The following DLG3 variants were observed in gnomAD, a reference collection of about 807,000 sequenced individuals.
The protein encoded by DLG3 is disks large homolog 3.
Under a neutral mutation model 64.1 loss-of-function variants are expected in DLG3, and 1 was observed. That is an observed-to-expected ratio of 0.02 (90% CI 0.01 to 0.07). The LOEUF is 0.07. Among genes scored for constraint, DLG3 ranks in the 10% least tolerant of loss-of-function variants. The pLI is 1.00. For synonymous variants in DLG3, 245 were observed against 259.8 expected (o/e 0.94, Z 0.55); for missense variants, 429 against 669.5 (o/e 0.64, Z 3.96).
At position 70,462,114 on chromosome X, in the gene DLG3, G is replaced by A. The variant is rs778316764; in HGVS notation, c.1405+7798G>A. On this transcript the variant is annotated intron_variant, in intron 9 of 18. Transcript: ENST00000374360. ...TGTTTTCATAAAGTTGCCTCTTCTG[G>A]CCAGTTCATATAAATGAAATCATGC... Among the ~76,000 whole-genome samples, 5 of 96,622 alleles carry A rather than the reference G, an allele frequency of 5.2e-5. No homozygotes were observed. In the South Asian group the frequency reaches 2.6e-3, roughly 49 times the overall value. 83.9% of individuals were successfully genotyped at this position (96,622 alleles called of 115,157 possible).
chrX:70,505,015 G>C lies in DLG3; in HGVS notation c.*2746G>C, dbSNP rs1196212161. Reference sequence around the variant, plus strand: ...ATGTGTGTGGGCTGAGCCACAGGAAGGGTGAGTCCTCTTGCTTGTGGTGCT... The same window carrying C: ...ATGTGTGTGGGCTGAGCCACAGGAACGGTGAGTCCTCTTGCTTGTGGTGCT... On this transcript the variant is annotated 3_prime_UTR_variant, in exon 19 of 19. Coordinates refer to ENST00000374360, the MANE Select transcript of DLG3 (RefSeq NM_021120.4). 1 of 112,878 alleles carries C rather than the reference G, an allele frequency of 8.9e-6. No homozygotes were observed. Among genetic ancestry groups the C allele is most frequent in the Admixed American group, 9.4e-5 (1 of 10,662 alleles). 9.3% of individuals were successfully genotyped at this position (112,878 alleles called of 1,213,427 possible). A position where few individuals can be genotyped will look rare whatever the true frequency, so the allele number is the denominator to read the frequency against.
intron 9 of DLG3, among the ~76,000 whole-genome samples, chrX:70,461,210 A>G (rs1053480520): frequency 2.7e-5 from 3 of 112,103 alleles, no homozygotes; most frequent in Non-Finnish European, 5.6e-5. Flanking sequence ...ATTTCTCCAC[A>G]TCATCCCCAA....
At chrX:70,473,157 C>CAA (rs59440260) in intron 9 of DLG3, among the ~76,000 whole-genome samples, 30 of 42,062 alleles carry the variant, frequency 7.1e-4, no homozygotes, top group African/African-American at 1.8e-3. Flanking sequence ...AACTCCGTCT[C>CAA]AAAAAAAAAA....
At chrX:70,452,632 C>A (rs1312483439) in intron 7 of DLG3, 1 of 1,187,667 alleles carries the variant, frequency 8.4e-7, no homozygotes, top group Non-Finnish European at 1.1e-6. Flanking sequence ...ATGGAGAGGG[C>A]CCGCAAGTTC....
At chrX:70,499,792 C>T in intron 15 of DLG3, 85 bp from the exon 16 acceptor site, 1 of 1,030,460 alleles carries the variant, frequency 9.7e-7, no homozygotes, top group Non-Finnish European at 1.3e-6. Context: ...GTGACCCACC[C>T]AGATGAGAAT....
chrX:70,499,376 A>C (rs1039392182), intron 15 of DLG3, 99 bp downstream of exon 15: 4 of 631,697 alleles, frequency 6.3e-6, no homozygotes, highest in Non-Finnish European at 1.0e-5. Context: ...TTCTAGGGCT[A>C]TTTGGGGACA....
intron 9 of DLG3, among the ~76,000 whole-genome samples, chrX:70,462,855 T>G (rs937623496): frequency 1.3e-4 from 14 of 111,978 alleles, no homozygotes; most frequent in African/African-American, 4.2e-4. Flanking sequence ...CCCTGTTCTA[T>G]ATACTTAGAA....
chrX:70,500,831 A>G (rs1263340491), intron 17 of DLG3, 67 bp from the exon 18 acceptor site: 7 of 1,037,378 alleles, frequency 6.7e-6, no homozygotes, highest in Non-Finnish European at 9.3e-6. Flanking sequence ...GGATCCTGGA[A>G]TAATCCTTTA....
At chrX:70,501,068 A>T (rs1284014481) in intron 18 of DLG3, 79 bp downstream of exon 18, 3 of 787,481 alleles carry the variant, frequency 3.8e-6, no homozygotes, top group South Asian at 4.7e-5. Context: ...AAAGAGGTGT[A>T]GACAGAATGT....
intron 9 of DLG3, among the ~76,000 whole-genome samples, chrX:70,473,041 C>T (rs1476476415): frequency 9.3e-6 from 1 of 107,610 alleles, no homozygotes; most frequent in African/African-American, 3.4e-5. Context: ...CCTGTAATCC[C>T]AGCTACTCAG....
intron 13 of DLG3, chrX:70,497,127 T>G: frequency 2.6e-6 from 3 of 1,148,470 alleles, no homozygotes; most frequent in Non-Finnish European, 3.6e-6. Context: ...GTGCTGCATG[T>G]GACCTCTCAG....
At chrX:70,460,063 T>C (rs1036525605) in intron 9 of DLG3, among the ~76,000 whole-genome samples, 26 of 110,675 alleles carry the variant, frequency 2.3e-4, no homozygotes, top group African/African-American at 8.2e-4. Flanking sequence ...GGTGGGTGGA[T>C]CACGAGGTCA....
intron 10 of DLG3, among the ~76,000 whole-genome samples, chrX:70,481,961 A>C (rs1316694485): frequency 8.9e-6 from 1 of 111,947 alleles, no homozygotes; most frequent in Admixed American, 9.5e-5. Flanking sequence ...TGAACTACAG[A>C]CCTGCATATC....
intron 6 of DLG3, among the ~76,000 whole-genome samples, chrX:70,451,324 A>C (rs2086616326): frequency 9.0e-6 from 1 of 110,707 alleles, no homozygotes; most frequent in Admixed American, 9.6e-5. Context: ...GATGGTCTCG[A>C]TCTCCTGACC....
intron 10 of DLG3, among the ~76,000 whole-genome samples, chrX:70,482,662 GTTTTTTT>G (rs774419870): frequency 2.4e-4 from 16 of 66,079 alleles, no homozygotes; most frequent in African/African-American, 9.1e-4. Context: ...CATGTGTGGT[GTTTTTTT>G]TTTTTTTTTT....
Position 70,499,227 on chromosome X carries a change from A to G in DLG3, c.1922A>G (p.Asn641Ser). 1 of 1,210,911 alleles carries G rather than the reference A, an allele frequency of 8.3e-7. No homozygotes were observed. Among genetic ancestry groups the G allele is most frequent in the Non-Finnish European group, 1.1e-6 (1 of 894,986 alleles). Reference sequence around the variant, plus strand: ...CTGGGCCCAATGAAGGACCGAGTCAATGATGACCTGATCTCCGAATTTCCA... The same window carrying G: ...CTGGGCCCAATGAAGGACCGAGTCAGTGATGACCTGATCTCCGAATTTCCA... ...IILGPMKDRV[N>S]DDLISEFPHK... is the part of the protein sequence containing the mutation. The change falls in exon 15 of 19, where the codon AAT becomes AGT. Residue 641 changes from asparagine (N) to serine (S), a missense_variant. Asn to Ser is a conservative substitution (Grantham distance 46, BLOSUM62 1). Around this residue, in one of 9 missense-constraint regions of DLG3, gnomAD observed 46 missense variants for 64.4 expected, o/e 0.71. Transcript: ENST00000374360.
chrX:70,452,324 C>T (rs2086628008), intron 7 of DLG3: 2 of 1,023,299 alleles, frequency 2.0e-6, no homozygotes, highest in Non-Finnish European at 2.5e-6. Flanking sequence ...GAGGCGAGGG[C>T]AGCGGAGTTT....
Position 70,449,099 on chromosome X carries a change from G to A in DLG3, c.408+136G>A, listed in dbSNP as rs2086593483. The A allele has an allele frequency of 5.2e-6, 4 of 770,462 alleles. No individual in the cohort carries two copies. In the South Asian group the frequency reaches 9.1e-5, roughly 18 times the overall value. The allele number at this position is 770,462 out of a possible 1,213,427, so 63.5% of individuals were successfully genotyped here. On this transcript the variant is annotated intron_variant, in intron 2 of 18. Transcript: ENST00000374360. The stretch of plus-strand genomic sequence containing the variant: ...GATGGTGAAACAGCGGCCCTCAGAG[G>A]CTGCTTCACTGCATCAATCAATCAA...
intron 10 of DLG3, among the ~76,000 whole-genome samples, chrX:70,479,855 G>T (rs2087122291): frequency 9.0e-6 from 1 of 111,319 alleles, no homozygotes; most frequent in African/African-American, 3.3e-5. Flanking sequence ...GGAACAGATA[G>T]GTAGCATGGA....
Sources: allele counts gnomAD v4.1 joint callset (sites outside exome capture counted in the v4.1 genomes callset), GRCh38; gene constraint gnomAD v4.1.1; regional missense constraint gnomAD v4.1.1; transcripts MANE v1.5; gene names NCBI Gene and HGNC (gene_info 2026-07-23, HGNC 2026-07-21).